The following CCNY variants were observed in gnomAD, a reference collection of about 807,000 sequenced individuals.
CCNY encodes cyclin Y.
Under a neutral mutation model 42.8 loss-of-function variants are expected in CCNY, and 19 were observed. The ratio of observed to expected loss-of-function variants is 0.44; its 90% CI spans 0.31 to 0.65. The LOEUF (loss-of-function observed/expected upper bound fraction) is 0.65, where lower values mean the gene tolerates loss of function less well. CCNY is among the 30% of genes least tolerant of loss of function. The pLI, the probability that CCNY is intolerant of heterozygous loss-of-function variation, is 0.07. For missense variants in CCNY, 370 were observed against 437.3 expected, an observed-to-expected ratio of 0.85 and a Z score of 1.37; for synonymous variants, 165 against 162.7, an observed-to-expected ratio of 1.01 and a Z score of -0.11.
chr10:35,548,584 C>G (rs1314263414), intron 7 of CCNY, among the ~76,000 whole-genome samples: 1 of 152,100 alleles, frequency 6.6e-6, no homozygotes, highest in African/African-American at 2.4e-5. Context: ...GCTTGAGCCA[C>G]CGCACCCAGC....
chr10:35,551,436 CTT>C (rs1295386425), intron 7 of CCNY, among the ~76,000 whole-genome samples: 1 of 152,088 alleles, frequency 6.6e-6, no homozygotes, highest in Non-Finnish European at 1.5e-5. Context: ...ATATTTAAGA[CTT>C]TATGGACATT....
intron 1 of CCNY, among the ~76,000 whole-genome samples, chr10:35,354,008 C>T (rs1836485282): frequency 1.3e-5 from 2 of 152,112 alleles, no homozygotes; most frequent in African/African-American, 4.8e-5. Context: ...GAACTGCCTC[C>T]AGGCTCACTT....
At chr10:35,344,041 C>G (rs1195073956) in intron 1 of CCNY, among the ~76,000 whole-genome samples, 1 of 152,184 alleles carries the variant, frequency 6.6e-6, no homozygotes, top group Non-Finnish European at 1.5e-5. Flanking sequence ...CAGTTTATAG[C>G]TGGAAGAAGG....
At chr10:35,435,555 C>T (rs917813942) in intron 1 of CCNY, among the ~76,000 whole-genome samples, 7 of 152,214 alleles carry the variant, frequency 4.6e-5, no homozygotes, top group Non-Finnish European at 1.5e-5. Flanking sequence ...TAATCACACA[C>T]GTTGTCTTGT....
At chr10:35,407,357 A>G (rs1260601584) in intron 1 of CCNY, among the ~76,000 whole-genome samples, 1 of 152,028 alleles carries the variant, frequency 6.6e-6, no homozygotes, top group East Asian at 1.9e-4. Flanking sequence ...GGTCCCTAGA[A>G]AAGGAAGATT....
At chr10:35,486,094 C>G (rs1460594501) in intron 2 of CCNY, among the ~76,000 whole-genome samples, 1 of 152,156 alleles carries the variant, frequency 6.6e-6, no homozygotes, top group Non-Finnish European at 1.5e-5. Flanking sequence ...CTCAGTATGT[C>G]CCAGACAGAA....
intron 1 of CCNY, among the ~76,000 whole-genome samples, chr10:35,435,028 T>C (rs1356602452): frequency 2.0e-5 from 3 of 152,094 alleles, no homozygotes; most frequent in Non-Finnish European, 4.4e-5. Flanking sequence ...AGGAGGCAAA[T>C]GAGGAAACCC....
intron 3 of CCNY, among the ~76,000 whole-genome samples, chr10:35,281,287 TTTA>T (rs1016296311): frequency 6.6e-6 from 1 of 151,934 alleles, no homozygotes; most frequent in African/African-American, 2.4e-5. Context: ...TTATTATTTA[TTTA>T]TTATTTATTT....
At chr10:35,478,463 A>G (rs112375977) in intron 1 of CCNY, among the ~76,000 whole-genome samples, 33 of 152,028 alleles carry the variant, frequency 2.2e-4, no homozygotes, top group Admixed American at 4.6e-4. Flanking sequence ...GGAACAGAAC[A>G]GAGCCCTCAG....
chr10:35,448,541 G>C (rs1838842359), intron 1 of CCNY, among the ~76,000 whole-genome samples: 1 of 152,152 alleles, frequency 6.6e-6, no homozygotes, highest in Non-Finnish European at 1.5e-5. Flanking sequence ...TATGTGTTAG[G>C]TATTAGGACA....
rs1840735289 is a variant in CCNY at position 35,530,149 on chromosome 10, A to G, written c.485A>G (p.Asp162Gly). 6.2e-7 allele frequency: 1 copy of G among 1,614,216 alleles called. No individual in the cohort carries two copies. The highest frequency in any genetic ancestry group is 8.5e-7 in the Non-Finnish European group (1 of 1,180,030). ...LSKSEVPPDYDKHNPEQKQIY... is the reference protein window; with the variant it reads ...LSKSEVPPDYGKHNPEQKQIY... ...AAATCCGAAGTGCCACCAGATTATGACAAACACAACCCAGAGCAGAAGCAG... is the reference window on the plus strand; with the variant it reads ...AAATCCGAAGTGCCACCAGATTATGGCAAACACAACCCAGAGCAGAAGCAG... The change falls in exon 7 of 10, where the codon GAC becomes GGC. Residue 162 changes from aspartate (D) to glycine (G), a missense_variant. Around this residue, in one of 2 missense-constraint regions of CCNY, gnomAD observed 234 missense variants for 313.1 expected, o/e 0.75. Coordinates refer to ENST00000374704, the MANE Select transcript of CCNY (RefSeq NM_145012.6). This position sits in a 1 kb window ranked among gnomAD's most constrained non-coding sequence, Gnocchi z 4.3.
chr10:35,377,412 A>G (rs998617250), intron 1 of CCNY, among the ~76,000 whole-genome samples: 1 of 152,216 alleles, frequency 6.6e-6, no homozygotes, highest in Non-Finnish European at 1.5e-5. Flanking sequence ...ACGATTGCCC[A>G]TAATATTCAG....
At chr10:35,368,085 A>G (rs1263510785) in intron 1 of CCNY, among the ~76,000 whole-genome samples, 1 of 152,268 alleles carries the variant, frequency 6.6e-6, no homozygotes, top group African/African-American at 2.4e-5. Flanking sequence ...ATTACAATTG[A>G]GGCTGTGGAG....
intron 1 of CCNY, among the ~76,000 whole-genome samples, chr10:35,384,419 C>G (rs533121594): frequency 1.3e-5 from 2 of 152,240 alleles, no homozygotes; most frequent in South Asian, 2.1e-4. Flanking sequence ...CAACACTTTA[C>G]CTAGATAAGG....
chr10:35,530,314 G>T lies in CCNY; in HGVS notation c.579+71G>T. 5.6e-6 allele frequency: 9 copies of T among 1,594,366 alleles called. No homozygotes were observed. Among genetic ancestry groups the T allele is most frequent in the East Asian group, 2.3e-5 (1 of 44,394 alleles). On this transcript the variant is annotated intron_variant, in intron 7 of 9. Transcript: ENST00000374704. The surrounding 1 kb of genome is among the most constrained non-coding windows in gnomAD (Gnocchi z 4.3). ...CCAGGGCCCGTTCCTGTTACTCAGC[G>T]GAGTGAGGTTGGAGCAGGGAATCCT...
intron 1 of CCNY, among the ~76,000 whole-genome samples, chr10:35,416,088 G>C (rs1233965763): frequency 1.3e-5 from 2 of 151,940 alleles, no homozygotes; most frequent in African/African-American, 4.8e-5. Flanking sequence ...GGCATTTTTG[G>C]CAGGTTATGA....
At chr10:35,568,922 G>A in intron 9 of CCNY, 132 bp from the exon 10 acceptor site, 1 of 668,928 alleles carries the variant, frequency 1.5e-6, no homozygotes, top group Non-Finnish European at 2.7e-6. Flanking sequence ...AGAGAGCTGG[G>A]CTCTGGGCCG....
chr10:35,333,769 C>G (rs1181602080), upstream of CCNY, among the ~76,000 whole-genome samples: 1 of 152,146 alleles, frequency 6.6e-6, no homozygotes, highest in Non-Finnish European at 1.5e-5. Context: ...TTTGACATCA[C>G]ATTTATCTGC....
chr10:35,489,436 GAC>G (rs1174308683), intron 2 of CCNY, among the ~76,000 whole-genome samples: 3 of 152,012 alleles, frequency 2.0e-5, no homozygotes, highest in Non-Finnish European at 4.4e-5. Flanking sequence ...GAGTAGCTGG[GAC>G]TACAGGCGCC....
Sources: gnomAD v4.1 joint callset for allele counts (sites outside exome capture counted in the v4.1 genomes callset) on GRCh38, gnomAD v4.1.1 for gene constraint, gnomAD v4.1.1 regional missense constraint, Gnocchi (gnomAD v3.1) non-coding constraint, MANE v1.5 for transcripts, NCBI Gene and HGNC (gene_info 2026-07-23, HGNC 2026-07-21) for gene names.